The following NOL8 variants were observed in gnomAD, a reference collection of about 807,000 sequenced individuals.
The protein encoded by NOL8 is nucleolar protein Nop132.
NOL8 carries 93 observed loss-of-function variants against 116.1 expected under a neutral mutation model. The ratio of observed to expected loss-of-function variants is 0.80; its 90% CI spans 0.68 to 0.95. The LOEUF (loss-of-function observed/expected upper bound fraction) is 0.95. Among genes scored for constraint, NOL8 ranks in the 40% least tolerant of loss-of-function variants. NOL8 has a pLI of 0.00. For synonymous variants in NOL8, 419 were observed against 469.0 expected, an observed-to-expected ratio of 0.89 and a Z score of 1.38; for missense variants, 1,291 against 1,382.8, an observed-to-expected ratio of 0.93 and a Z score of 1.05.
intron 10 of NOL8, among the ~76,000 whole-genome samples, chr9:92,307,444 C>T (rs980129314): frequency 2.0e-5 from 3 of 151,962 alleles, no homozygotes; most frequent in African/African-American, 4.8e-5. Flanking sequence ...GTATATCTGA[C>T]AATATAAGAT....
At chr9:92,297,941 A>G in intron 16 of NOL8, 55 bp from the exon 17 acceptor site, 1 of 1,393,820 alleles carries the variant, frequency 7.2e-7, no homozygotes, top group Non-Finnish European at 9.8e-7. Flanking sequence ...TAAGATGTTC[A>G]GTAGATAGAA....
intron 12 of NOL8, among the ~76,000 whole-genome samples, chr9:92,302,291 T>C (rs558905396): frequency 3.2e-4 from 49 of 152,328 alleles, no homozygotes; most frequent in Admixed American, 1.6e-3. Flanking sequence ...TCTTTTGAAA[T>C]GAAATTTTTA....
intron 15 of NOL8, 77 bp from the exon 16 acceptor site, chr9:92,298,413 C>A: frequency 1.2e-6 from 1 of 868,776 alleles, no homozygotes; most frequent in Non-Finnish European, 1.8e-6. Flanking sequence ...TTGGCATTAT[C>A]AAGGTCTCGA....
At chr9:92,301,460 G>T in intron 13 of NOL8, 91 bp downstream of exon 13, 1 of 995,834 alleles carries the variant, frequency 1.0e-6, no homozygotes, top group Non-Finnish European at 1.4e-6. Flanking sequence ...CCTTTCTTCA[G>T]CTAACATGAA....
chr9:92,298,433 AAGATC>A (rs1837436389), intron 15 of NOL8, 97 bp from the exon 16 acceptor site: 2 of 681,108 alleles, frequency 2.9e-6, no homozygotes, highest in East Asian at 5.8e-5. Flanking sequence ...AATACCAGTT[AAGATC>A]ATTCTTTTCC....
intron 10 of NOL8, among the ~76,000 whole-genome samples, chr9:92,309,256 A>G (rs1420948135): frequency 6.6e-6 from 1 of 152,224 alleles, no homozygotes; most frequent in Non-Finnish European, 1.5e-5. Flanking sequence ...TAAAAAGCCA[A>G]CTGCTACTGA....
chr9:92,310,804 G>C (rs2134115553), intron 8 of NOL8, 129 bp from the exon 9 acceptor site: 1 of 993,862 alleles, frequency 1.0e-6, no homozygotes, highest in East Asian at 2.6e-5. Flanking sequence ...GTAAATGGCA[G>C]GTCAGGTGGA....
chr9:92,315,700 T>A lies in NOL8; in HGVS notation c.925A>T (p.Arg309Ter), dbSNP rs767226323. Residue 309 changes from arginine (R) to a stop codon, truncating the protein, a stop_gained, in exon 7 of 17, where the codon AGA becomes TGA. Coordinates refer to ENST00000442668, the MANE Select transcript of NOL8 (RefSeq NM_017948.6). LOFTEE classifies it high-confidence loss of function. The stretch of plus-strand genomic sequence containing the variant: ...TTTTCCTCTTTCGCAATCATCATTC[T>A]CAATTCATCTTCAGAATCAGTATCA... ...DDDTDSEDEL[R>*]MMIAKEENLQ... 9 of 1,612,502 alleles carry A rather than the reference T, an allele frequency of 5.6e-6. No homozygotes were observed. Among genetic ancestry groups the A allele is most frequent in the Non-Finnish European group, 1.7e-6 (2 of 1,179,144 alleles).
intron 12 of NOL8, among the ~76,000 whole-genome samples, chr9:92,305,323 G>C (rs1306539467): frequency 6.6e-6 from 1 of 152,162 alleles, no homozygotes; most frequent in Non-Finnish European, 1.5e-5. Flanking sequence ...GCAGTCACTA[G>C]AAACTAGGAG....
chr9:92,306,294 G>A (rs539257835), intron 11 of NOL8, among the ~76,000 whole-genome samples: 2 of 152,062 alleles, frequency 1.3e-5, no homozygotes, highest in African/African-American at 4.8e-5. Context: ...ATGCCCAGCC[G>A]AAAAAATATT....
At chr9:92,309,071 G>A (rs996100987) in intron 10 of NOL8, 1 of 152,182 alleles carries the variant, frequency 6.6e-6, no homozygotes, top group Non-Finnish European at 1.5e-5. Context: ...TTCAAAAGTT[G>A]GAAAAGGGCC....
intron 8 of NOL8, 101 bp downstream of exon 8, chr9:92,311,045 T>G (rs7046109): frequency 2.2e-6 from 2 of 911,390 alleles, no homozygotes; most frequent in African/African-American, 3.3e-5. Context: ...CTGGGTCTCA[T>G]TGGGGCTCTC....
rs1285905291 is a variant in NOL8 at position 92,315,991 on chromosome 9, C to T, written c.634G>A (p.Asp212Asn). ...MSKKRRGEFS[D>N]FHGPPKKIIK... ...ATCTTCTTGGGAGGGCCATGAAAGT[C>T]AGAGAACTCTCCTCGCCGTTTCTTA... The change falls in exon 7 of 17, where the codon GAC (aspartate) becomes AAC (asparagine). Residue 212 changes from aspartate to asparagine, a missense_variant. Physicochemically the swap from Asp to Asn is conservative, Grantham distance 23 (BLOSUM62 1). Coordinates refer to ENST00000442668, the MANE Select transcript of NOL8 (RefSeq NM_017948.6). The T allele has an allele frequency of 3.1e-6, 5 of 1,613,944 alleles. No individual in the cohort carries two copies. Among genetic ancestry groups the T allele is most frequent in the Non-Finnish European group, 4.2e-6 (5 of 1,179,882 alleles).
chr9:92,313,394 C>T (rs763383805), intron 7 of NOL8, among the ~76,000 whole-genome samples: 6 of 152,136 alleles, frequency 3.9e-5, no homozygotes, highest in Admixed American at 3.3e-4. Flanking sequence ...GGCCACATAT[C>T]GTCTTTGTTC....
chr9:92,311,014 T>C (rs1838730048), intron 8 of NOL8, 132 bp downstream of exon 8: 2 of 671,002 alleles, frequency 3.0e-6, no homozygotes, highest in Non-Finnish European at 2.5e-6. Context: ...GTAGTCTCAA[T>C]ATGAGGTGAC....
At chr9:92,311,284 C>CAA (rs1838764980) in intron 7 of NOL8, 25 bp from the exon 8 acceptor site, 2 of 1,555,608 alleles carry the variant, frequency 1.3e-6, no homozygotes, top group Admixed American at 3.5e-5. Flanking sequence ...GAAAGCATTG[C>CAA]ATCTTAAAAA....
At chr9:92,312,359 T>G (rs1469092150) in intron 7 of NOL8, among the ~76,000 whole-genome samples, 1 of 127,140 alleles carries the variant, frequency 7.9e-6, no homozygotes, top group Non-Finnish European at 1.6e-5. Context: ...CAGGCTGAGG[T>G]GGGAGAATTG....
At position 92,300,012 on chromosome 9, in the gene NOL8, G is replaced by C. The variant is rs1837596455; in HGVS notation, c.3180C>G (p.Thr1060=). Residue 1060 remains threonine, a synonymous_variant, in exon 14 of 17, where the codon ACC becomes ACG. Coordinates refer to ENST00000442668, the MANE Select transcript of NOL8 (RefSeq NM_017948.6). The part of the protein sequence containing the change: ...DSDTKDIKEE[T]YRVETVKPGK... ...CAGGTTTCACTGTTTCAACTCTGTA[G>C]GTCTCTATATCGTTATGACAACAAA... 6.2e-7 allele frequency: 1 copy of C among 1,612,946 alleles called. No homozygotes were observed. The highest frequency in any genetic ancestry group is 2.2e-5 in the East Asian group (1 of 44,796).
intron 3 of NOL8, among the ~76,000 whole-genome samples, chr9:92,322,374 T>C (rs1840000517): frequency 6.6e-6 from 1 of 152,178 alleles, no homozygotes; most frequent in East Asian, 1.9e-4. Context: ...ATTTATCTTT[T>C]CTTTTTGAGA....
Sources: allele counts gnomAD v4.1 joint callset (sites outside exome capture counted in the v4.1 genomes callset), GRCh38; gene constraint gnomAD v4.1.1; transcripts MANE v1.5; gene names NCBI Gene and HGNC (gene_info 2026-07-23, HGNC 2026-07-21).